USP13: variants seen among roughly 807,000 people sequenced by gnomAD.
The protein encoded by USP13 is ubiquitin specific peptidase 13, also known as ubiquitin carboxyl-terminal hydrolase 13.
In USP13, 68 loss-of-function variants were observed where a neutral mutation model predicts 107.8. The ratio of observed to expected loss-of-function variants is 0.63; its 90% CI spans 0.52 to 0.77. The LOEUF (loss-of-function observed/expected upper bound fraction) is 0.77, where lower values mean the gene tolerates loss of function less well. USP13 is among the 30% of genes least tolerant of loss of function. USP13 has a pLI of 0.00. For synonymous variants in USP13, 377 were observed against 389.5 expected (o/e 0.97, Z 0.38); for missense variants, 945 against 1,093.3 (o/e 0.86, Z 1.91).
chr3:179,765,670 AC>A lies in USP13; in HGVS notation c.2260-24del, dbSNP rs765635914. 8.8e-5 allele frequency: 142 copies of A among 1,612,374 alleles called. 1 individual carries two copies. The highest frequency in any genetic ancestry group is 8.7e-5 in the Non-Finnish European group (102 of 1,179,184). On this transcript the variant is annotated intron_variant, in intron 18 of 20. Coordinates refer to ENST00000263966, the MANE Select transcript of USP13 (RefSeq NM_003940.3). ...GCCTGAGGCTGCATGCATTGTAAAAACATCTGTTTCTTTTTTGTTGTTAGAA... is the reference window on the plus strand; with the variant it reads ...GCCTGAGGCTGCATGCATTGTAAAAAATCTGTTTCTTTTTTGTTGTTAGAA...
Position 179,653,739 on chromosome 3 carries a change from A to T in USP13, c.168+346A>T, listed in dbSNP as rs1167675209. Reference sequence around the variant, plus strand: ...ATCGTTTGCGTCCTCCGCGGGGCAGAGCGCAGGGCGGGTAGGTGGACGGGA... The same window carrying T: ...ATCGTTTGCGTCCTCCGCGGGGCAGTGCGCAGGGCGGGTAGGTGGACGGGA... On this transcript the variant is annotated intron_variant, in intron 1 of 20. Coordinates refer to ENST00000263966, the MANE Select transcript of USP13 (RefSeq NM_003940.3). The surrounding 1 kb of genome is among the most constrained non-coding windows in gnomAD (Gnocchi z 4.0). 4.5e-6 allele frequency: 1 copy of T among 220,792 alleles called. No individual in the cohort carries two copies. The highest frequency in any genetic ancestry group is 9.0e-6 in the Non-Finnish European group (1 of 111,208). The allele number at this position is 220,792 out of a possible 1,614,324, so 13.7% of individuals were successfully genotyped here.
intron 19 of USP13, among the ~76,000 whole-genome samples, chr3:179,773,222 T>C (rs139917738): frequency 4.6e-5 from 7 of 152,328 alleles, no homozygotes; most frequent in Non-Finnish European, 8.8e-5. Context: ...AGGCAAATGT[T>C]AGTAAGTTGG....
chr3:179,720,342 C>T lies in USP13; in HGVS notation c.900+308C>T, dbSNP rs191405800. On this transcript the variant is annotated intron_variant, in intron 7 of 20. Transcript: ENST00000263966. ...AGTCGTGTGAATCATTCTTTGTTCG[C>T]GAAACGCAGATGGTGTAGGGAGATG... Among the ~76,000 whole-genome samples, 115 of 152,184 alleles carry T rather than the reference C, an allele frequency of 7.6e-4. 1 individual carries two copies. Among genetic ancestry groups the T allele is most frequent in the Non-Finnish European group, 1.1e-3 (74 of 68,022 alleles).
intron 8 of USP13, among the ~76,000 whole-genome samples, chr3:179,727,166 T>G (rs938620400): frequency 1.2e-5 from 1 of 80,412 alleles, no homozygotes; most frequent in Non-Finnish European, 2.3e-5. Flanking sequence ...TTTTAATGTT[T>G]TTTTTTTTTT....
chr3:179,745,326 C>T, intron 13 of USP13, 109 bp downstream of exon 13: 1 of 1,334,432 alleles, frequency 7.5e-7, no homozygotes, highest in South Asian at 1.4e-5. Context: ...TGTGTTTGTT[C>T]ATGTGTGATG....
In USP13 at chr3:179,686,646, C is replaced by G. The variant is rs532142105; in HGVS notation, c.295-3595C>G. On this transcript the variant is annotated intron_variant, in intron 2 of 20. Coordinates refer to ENST00000263966, the MANE Select transcript of USP13 (RefSeq NM_003940.3). ...TGTGTCCTTCTTCAGTCATTGCATT[C>G]TTTTATTAAAAGCTTCTTTAAAAAC... Among the ~76,000 whole-genome samples the G allele has an allele frequency of 3.9e-5, 6 of 152,310 alleles. No individual in the cohort carries two copies. In the South Asian group the frequency reaches 1.0e-3, roughly 26 times the overall value.
intron 10 of USP13, among the ~76,000 whole-genome samples, chr3:179,737,310 T>C (rs1714027382): frequency 6.6e-6 from 1 of 152,212 alleles, no homozygotes; most frequent in Admixed American, 6.5e-5. Context: ...AAAATCATCA[T>C]CACCACCTCA....
chr3:179,680,224 A>G (rs1323404032), intron 1 of USP13, among the ~76,000 whole-genome samples: 1 of 151,848 alleles, frequency 6.6e-6, no homozygotes, highest in East Asian at 1.9e-4. Flanking sequence ...GAGAGAGAGA[A>G]AGAGAACAAT....
chr3:179,756,577 C>T (rs1714808662), intron 15 of USP13, among the ~76,000 whole-genome samples: 1 of 152,082 alleles, frequency 6.6e-6, no homozygotes, highest in Non-Finnish European at 1.5e-5. Context: ...GACACTGTCT[C>T]TACAAAAAAT....
chr3:179,664,257 A>T (rs188127956), intron 1 of USP13, among the ~76,000 whole-genome samples: 7 of 150,620 alleles, frequency 4.6e-5, no homozygotes, highest in Admixed American at 4.0e-4. Context: ...ATGCCCGGAT[A>T]TTTTTTTTGT....
intron 4 of USP13, among the ~76,000 whole-genome samples, chr3:179,702,298 C>A (rs916260784): frequency 6.6e-6 from 1 of 152,192 alleles, no homozygotes; most frequent in Admixed American, 6.5e-5. Flanking sequence ...GGATTATAGG[C>A]GTGAGCCACC....
At chr3:179,671,945 A>G (rs1720761000) in intron 1 of USP13, among the ~76,000 whole-genome samples, 1 of 152,188 alleles carries the variant, frequency 6.6e-6, no homozygotes, top group Non-Finnish European at 1.5e-5. Flanking sequence ...CACAGGAGAC[A>G]CTGTTCTGTA....
At chr3:179,745,899 G>GT (rs942022636) in intron 13 of USP13, among the ~76,000 whole-genome samples, 3 of 151,386 alleles carry the variant, frequency 2.0e-5, no homozygotes, top group Non-Finnish European at 1.5e-5. Context: ...ACACATAAAA[G>GT]TTTTTTTTTC....
Position 179,721,716 on chromosome 3 carries a change from C to G in USP13, c.1088+127C>G. ...GACATTTTGCCACCTTTTCTCTGGC[C>G]TGCCTTCTACAGAGACTGGGTGAGA... On this transcript the variant is annotated intron_variant, in intron 8 of 20. Coordinates refer to ENST00000263966, the MANE Select transcript of USP13 (RefSeq NM_003940.3). The surrounding 1 kb of genome is among the most constrained non-coding windows in gnomAD (Gnocchi z 4.3). 2 of 983,198 alleles carry G rather than the reference C, an allele frequency of 2.0e-6. No individual in the cohort carries two copies. The highest frequency in any genetic ancestry group is 2.9e-6 in the Non-Finnish European group (2 of 678,130). 60.9% of individuals were successfully genotyped at this position (983,198 alleles called of 1,614,324 possible). A position where few individuals can be genotyped will look rare whatever the true frequency, so the allele number is the denominator to read the frequency against.
intron 16 of USP13, among the ~76,000 whole-genome samples, chr3:179,759,776 C>T (rs552625342): frequency 2.4e-4 from 37 of 152,190 alleles, no homozygotes; most frequent in African/African-American, 8.4e-4. Flanking sequence ...CGGGTTCAAG[C>T]GATTCTCCTG....
At chr3:179,698,219 G>A (rs1277471114) in intron 3 of USP13, among the ~76,000 whole-genome samples, 1 of 152,124 alleles carries the variant, frequency 6.6e-6, no homozygotes, top group Non-Finnish European at 1.5e-5. Context: ...ATCCCCACAT[G>A]GTACCATGGT....
At chr3:179,657,780 A>AAAAAAAG (rs1560037598) in intron 1 of USP13, among the ~76,000 whole-genome samples, 23 of 145,732 alleles carry the variant, frequency 1.6e-4, no homozygotes, top group South Asian at 2.1e-4. Context: ...AAAAAAAAAA[A>AAAAAAAG]AAAAAAGAAA....
chr3:179,674,168 C>G (rs960023746), intron 1 of USP13, among the ~76,000 whole-genome samples: 1 of 152,166 alleles, frequency 6.6e-6, no homozygotes, highest in Non-Finnish European at 1.5e-5. Context: ...GTTGGGATTA[C>G]AGGTGTGAGC....
Position 179,764,175 on chromosome 3 carries a change from A to G in USP13, c.2259+7A>G, listed in dbSNP as rs751167958. The G allele has an allele frequency of 3.2e-5, 51 of 1,570,950 alleles. No homozygotes were observed. Among genetic ancestry groups the G allele is most frequent in the Non-Finnish European group, 4.0e-5 (47 of 1,164,728 alleles). ...TCAGGCACTACGAGCAACGGTGAGCATGAGAGACTGTGTGTGTGTGTGTGT... is the reference window on the plus strand; with the variant it reads ...TCAGGCACTACGAGCAACGGTGAGCGTGAGAGACTGTGTGTGTGTGTGTGT... On this transcript the variant is annotated splice_region_variant and intron_variant, in intron 18 of 20. Transcript: ENST00000263966.
Sources: gnomAD v4.1 joint callset for allele counts (sites outside exome capture counted in the v4.1 genomes callset) on GRCh38, gnomAD v4.1.1 for gene constraint, Gnocchi (gnomAD v3.1) non-coding constraint, MANE v1.5 for transcripts, NCBI Gene and HGNC (gene_info 2026-07-23, HGNC 2026-07-21) for gene names.